Variants in ADGRB3 observed in about 807,000 individuals in gnomAD.
ADGRB3 encodes brain-specific angiogenesis inhibitor 3.
Under a neutral mutation model 193.4 loss-of-function variants are expected in ADGRB3, and 37 were observed. The ratio of observed to expected loss-of-function variants is 0.19; its 90% CI spans 0.15 to 0.25. ADGRB3 has a LOEUF of 0.25. Ranked by LOEUF, ADGRB3 falls within the 10% of genes least tolerant of loss-of-function variation. The pLI, the probability that ADGRB3 is intolerant of heterozygous loss-of-function variation, is 1.00. For missense variants in ADGRB3, 1,637 were observed against 1,852.9 expected (o/e 0.88, Z 2.14); for synonymous variants, 690 against 644.2 (o/e 1.07, Z -1.08).
chr6:69,013,402 C>A (rs1006638935), intron 11 of ADGRB3, among the ~76,000 whole-genome samples: 1 of 152,130 alleles, frequency 6.6e-6, no homozygotes, highest in Admixed American at 6.6e-5. Context: ...TATGTCTATT[C>A]ATTCTCCCAT....
chr6:68,840,057 G>A (rs538707581), intron 3 of ADGRB3, among the ~76,000 whole-genome samples: 4 of 152,102 alleles, frequency 2.6e-5, no homozygotes, highest in East Asian at 3.9e-4. Flanking sequence ...TGGTCAGAAC[G>A]TGAGTTCTGG....
At chr6:68,697,271 G>C (rs1765173555) in intron 3 of ADGRB3, among the ~76,000 whole-genome samples, 1 of 151,844 alleles carries the variant, frequency 6.6e-6, no homozygotes, top group African/African-American at 2.4e-5. Context: ...TTTTAAGATG[G>C]ACTTCTTAAA....
intron 17 of ADGRB3, among the ~76,000 whole-genome samples, chr6:69,100,924 AGGAGGGAGGGAGGGAAGGAAGGAAAGGAG>A (rs1773030327): frequency 7.1e-5 from 1 of 14,150 alleles, no homozygotes; most frequent in East Asian, 1.6e-3. Flanking sequence ...GAAGGAAGGA[AGGAGGGAGGGAGGGAAGGAAGGAAAGGAG>A]GGAGGGAGGG....
chr6:69,188,382 C>T (rs912453924), intron 17 of ADGRB3, among the ~76,000 whole-genome samples: 12 of 152,028 alleles, frequency 7.9e-5, no homozygotes, highest in Non-Finnish European at 1.8e-4. Flanking sequence ...TATCTCGGCT[C>T]ACTGCAACCT....
chr6:69,065,324 G>A (rs996594388), intron 16 of ADGRB3, among the ~76,000 whole-genome samples: 1 of 152,092 alleles, frequency 6.6e-6, no homozygotes, highest in Non-Finnish European at 1.5e-5. Flanking sequence ...CGTGCACATC[G>A]TGCCTCTTCT....
chr6:69,119,369 C>T (rs1290014635), intron 17 of ADGRB3, among the ~76,000 whole-genome samples: 21 of 152,052 alleles, frequency 1.4e-4, no homozygotes, highest in Admixed American at 1.2e-3. Flanking sequence ...GTAAGCATAA[C>T]AAAGATCCCC....
chr6:68,850,558 G>T (rs1167655520), intron 3 of ADGRB3, among the ~76,000 whole-genome samples: 1 of 139,914 alleles, frequency 7.1e-6, no homozygotes. Flanking sequence ...TGTTGACTAT[G>T]TCAAGTTTAC....
At chr6:69,223,403 C>A (rs1765940919) in intron 17 of ADGRB3, among the ~76,000 whole-genome samples, 1 of 152,050 alleles carries the variant, frequency 6.6e-6, no homozygotes, top group African/African-American at 2.4e-5. Flanking sequence ...TTTGATGTCT[C>A]AACAGTTATT....
At chr6:69,078,501 A>T (rs1044264787) in intron 17 of ADGRB3, among the ~76,000 whole-genome samples, 6 of 152,166 alleles carry the variant, frequency 3.9e-5, no homozygotes, top group African/African-American at 1.4e-4. Flanking sequence ...CTCAATTTTA[A>T]ATTCAACAAA....
intron 3 of ADGRB3, among the ~76,000 whole-genome samples, chr6:68,755,398 A>G (rs987805186): frequency 6.6e-6 from 1 of 152,176 alleles, no homozygotes; most frequent in African/African-American, 2.4e-5. Flanking sequence ...CTATTTTTGG[A>G]CATTAGAGAG....
chr6:68,673,760 T>G (rs897837788), intron 3 of ADGRB3, among the ~76,000 whole-genome samples: 1 of 152,066 alleles, frequency 6.6e-6, no homozygotes, highest in African/African-American at 2.4e-5. Flanking sequence ...TTAGTGAACT[T>G]GGGAAGGTTT....
intron 3 of ADGRB3, among the ~76,000 whole-genome samples, chr6:68,812,841 C>T (rs1248227204): frequency 6.6e-6 from 1 of 150,900 alleles, no homozygotes; most frequent in Non-Finnish European, 1.5e-5. Flanking sequence ...CAACCCCCCA[C>T]AGGCCCCAGT....
intron 11 of ADGRB3, among the ~76,000 whole-genome samples, chr6:69,000,682 A>G (rs1363046999): frequency 6.6e-6 from 1 of 152,232 alleles, no homozygotes; most frequent in Non-Finnish European, 1.5e-5. Flanking sequence ...AAAAAGGCAG[A>G]ACATCATCAT....
At chr6:68,677,504 CT>C (rs1366619835) in intron 3 of ADGRB3, among the ~76,000 whole-genome samples, 7 of 139,686 alleles carry the variant, frequency 5.0e-5, no homozygotes, top group Admixed American at 1.5e-4. Flanking sequence ...GAATTTTTTT[CT>C]TTTTTTTCTT....
intron 17 of ADGRB3, among the ~76,000 whole-genome samples, chr6:69,091,257 A>C (rs1287581072): frequency 6.6e-6 from 1 of 152,204 alleles, no homozygotes; most frequent in Non-Finnish European, 1.5e-5. Context: ...TAAACACAGA[A>C]ATACCATTTG....
chr6:69,150,311 C>A (rs889185126), intron 17 of ADGRB3, among the ~76,000 whole-genome samples: 1 of 152,176 alleles, frequency 6.6e-6, no homozygotes, highest in Non-Finnish European at 1.5e-5. Flanking sequence ...AGCTGCCATG[C>A]AAACCACAAG....
intron 20 of ADGRB3, among the ~76,000 whole-genome samples, chr6:69,300,616 C>G (rs1422268878): frequency 6.6e-6 from 1 of 151,736 alleles, no homozygotes; most frequent in Non-Finnish European, 1.5e-5. Context: ...AAATTTAGTA[C>G]AGTTGCAGAA....
At chr6:69,238,888 C>T (rs542226532) in intron 19 of ADGRB3, among the ~76,000 whole-genome samples, 1 of 151,950 alleles carries the variant, frequency 6.6e-6, no homozygotes, top group African/African-American at 2.4e-5. Flanking sequence ...ACTGTCCCAC[C>T]AATGTCTAAG....
chr6:68,671,070 G>A (rs534394711), intron 3 of ADGRB3, among the ~76,000 whole-genome samples: 308 of 151,842 alleles, frequency 2.0e-3, no homozygotes, highest in Non-Finnish European at 3.7e-3. Flanking sequence ...GTTCACTGTC[G>A]GTATGTAAAA....
Sources: allele counts gnomAD v4.1 joint callset (sites outside exome capture counted in the v4.1 genomes callset), GRCh38; gene constraint gnomAD v4.1.1; transcripts MANE v1.5; gene names NCBI Gene and HGNC (gene_info 2026-07-23, HGNC 2026-07-21).